MRPL46: variants seen among roughly 807,000 people sequenced by gnomAD.
The protein encoded by MRPL46 is large ribosomal subunit protein mL46.
MRPL46 carries 26 observed loss-of-function variants against 31.0 expected under a neutral mutation model. The ratio of observed to expected loss-of-function variants is 0.84; its 90% CI spans 0.61 to 1.16. MRPL46 has a LOEUF of 1.16. Among genes scored for constraint, MRPL46 ranks in the 50% most tolerant of loss-of-function variants. The pLI is 0.00. For missense variants in MRPL46, 395 were observed against 340.0 expected, an observed-to-expected ratio of 1.16 and a Z score of -1.27; for synonymous variants, 159 against 141.3, an observed-to-expected ratio of 1.13 and a Z score of -0.89.
chr15:88,462,368 T>G (rs1291099617), intron 3 of MRPL46: 1 of 152,016 alleles, frequency 6.6e-6, no homozygotes, highest in Non-Finnish European at 1.5e-5. Flanking sequence ...ATAAACAAAT[T>G]AAAAAGAAAA....
chr15:88,465,802 C>A (rs1251358390), intron 1 of MRPL46, 29 bp from the exon 2 acceptor site: 11 of 1,536,990 alleles, frequency 7.2e-6, no homozygotes, highest in African/African-American at 1.4e-5. Flanking sequence ...CAAAAAACTA[C>A]CTTAATCTGG....
In MRPL46 at chr15:88,459,781, C is replaced by T; in HGVS notation, c.672G>A (p.Glu224=). Residue 224 remains glutamate, a synonymous_variant, in exon 4 of 4, where the codon GAG becomes GAA. Transcript: ENST00000312475. ...TFKFPQAMRT[E]SNLGAKVFFF... is the part of the protein sequence containing the mutation. ...AGAACACCTTGGCTCCGAGGTTACT[C>T]TCTGTCCGCATTGCCTGGGGGAACT... 6.2e-7 allele frequency: 1 copy of T among 1,614,226 alleles called. No individual in the cohort carries two copies.
chr15:88,461,217 A>T (rs191257517), intron 3 of MRPL46: 4 of 152,354 alleles, frequency 2.6e-5, no homozygotes, highest in Admixed American at 2.0e-4. Context: ...AAAGTCAAAG[A>T]CAAAATGACA....
Position 88,459,538 on chromosome 15 carries a change from T to G in MRPL46, c.*75A>C. ...TGCTGCTTGATATTACCTGCAAATG[T>G]GAGGCAATCACACAATGTCCTTGAG... is the stretch of plus-strand genomic sequence containing the variant. On this transcript the variant is annotated 3_prime_UTR_variant, in exon 4 of 4. Coordinates refer to ENST00000312475, the MANE Select transcript of MRPL46 (RefSeq NM_022163.4). 6.3e-7 allele frequency: 1 copy of G among 1,578,534 alleles called. No homozygotes were observed. Among genetic ancestry groups the G allele is most frequent in the Non-Finnish European group, 8.6e-7 (1 of 1,157,840 alleles).
chr15:88,465,839 G>A (rs191429729), intron 1 of MRPL46, 66 bp from the exon 2 acceptor site: 6 of 1,441,346 alleles, frequency 4.2e-6, no homozygotes, highest in Non-Finnish European at 5.5e-6. Context: ...AAAAAAACAG[G>A]AAGAATAAAA....
At chr15:88,460,107 T>G in intron 3 of MRPL46, 1 of 515,960 alleles carries the variant, frequency 1.9e-6, no homozygotes, top group East Asian at 3.4e-5. Context: ...GTTTTTAGAC[T>G]GAAAGTCAGC....
chr15:88,464,100 G>C (rs2055500231), intron 3 of MRPL46: 1 of 152,512 alleles, frequency 6.6e-6, no homozygotes, highest in South Asian at 2.1e-4. Context: ...CTGGGGGTGG[G>C]GTCAGGGGAT....
rs759154222 is a variant in MRPL46, at chr15:88,467,151, T to C, written c.227A>G (p.Gln76Arg). 1 of 1,613,484 alleles carries C rather than the reference T, an allele frequency of 6.2e-7. No homozygotes were observed. The highest frequency in any genetic ancestry group is 8.5e-7 in the Non-Finnish European group (1 of 1,179,466). The change falls in exon 1 of 4, where the codon CAG becomes CGG. Residue 76 changes from glutamine (Q) to arginine (R), a missense_variant and splice_region_variant. By Grantham distance (43) the Gln-to-Arg change is conservative (BLOSUM62 1). Transcript: ENST00000312475. ...LQEEMASLLQ[Q>R]IEIERSLYSD... ...CTGAACCCTGCATCTCAGTCCCACC[T>C]GCTGCAGTAGAGACGCCATCTCTTC...
intron 2 of MRPL46, chr15:88,465,091 C>A: frequency 2.1e-6 from 1 of 475,326 alleles, no homozygotes; most frequent in Non-Finnish European, 3.6e-6. Flanking sequence ...AAGAGGTAAG[C>A]TTCTTTGAAC....
Position 88,465,788 on chromosome 15 carries a change from A to G in MRPL46, c.229-15T>C, listed in dbSNP as rs202200885. ...TCTATCTCAATCTGGGAAAATTCAA[A>G]GGGCAAAAAACTACCTTAATCTGGC... On this transcript the variant is annotated splice_polypyrimidine_tract_variant and intron_variant, in intron 1 of 3. Transcript: ENST00000312475. 1.9e-6 allele frequency: 3 copies of G among 1,560,132 alleles called. No homozygotes were observed. The highest frequency in any genetic ancestry group is 1.2e-5 in the South Asian group (1 of 83,250).
intron 1 of MRPL46, among the ~76,000 whole-genome samples, chr15:88,466,771 G>C (rs1053791597): frequency 1.6e-4 from 25 of 152,196 alleles, no homozygotes; most frequent in African/African-American, 5.5e-4. Flanking sequence ...ATAAAACAGA[G>C]TAGGCTTATC....
intron 2 of MRPL46, 100 bp downstream of exon 2, chr15:88,465,487 G>T: frequency 5.0e-6 from 6 of 1,210,640 alleles, no homozygotes; most frequent in Non-Finnish European, 6.8e-6. Context: ...GAAATTATTT[G>T]TTACTTAAAA....
At chr15:88,465,256 A>G (rs1324307142) in intron 2 of MRPL46, 1 of 421,008 alleles carries the variant, frequency 2.4e-6, no homozygotes, top group Non-Finnish European at 4.2e-6. Flanking sequence ...ACAGAACTCA[A>G]TCTCCCGCTT....
intron 3 of MRPL46, 168 bp downstream of exon 3, chr15:88,464,535 T>TA (rs902057581): frequency 4.8e-5 from 32 of 662,822 alleles, no homozygotes; most frequent in South Asian, 1.1e-4. Flanking sequence ...AAAAAAAAAA[T>TA]AAAAAAAATC....
rs754174601 is a variant in MRPL46, at chr15:88,459,811, T to C, written c.642A>G (p.Thr214=). ...FLGNAPCGHY[T]FKFPQAMRTE... ...TCCGCATTGCCTGGGGGAACTTGAA[T>C]GTGTAGTGCCCACAGGGTGCATTTC... The change falls in exon 4 of 4, where the codon ACA becomes ACG. Residue 214 remains threonine, a synonymous_variant. Coordinates refer to ENST00000312475, the MANE Select transcript of MRPL46 (RefSeq NM_022163.4). 5 of 1,614,220 alleles carry C rather than the reference T, an allele frequency of 3.1e-6. No homozygotes were observed. Among genetic ancestry groups the C allele is most frequent in the African/African-American group, 1.3e-5 (1 of 75,058 alleles).
At chr15:88,462,051 A>G (rs2055481963) in intron 3 of MRPL46, 1 of 152,214 alleles carries the variant, frequency 6.6e-6, no homozygotes, top group Non-Finnish European at 1.5e-5. Flanking sequence ...ACAGAAAAAC[A>G]CTATTAATAG....
Position 88,467,160 on chromosome 15 carries a change from A to G in MRPL46, c.218T>C (p.Leu73Pro). 6.2e-7 allele frequency: 1 copy of G among 1,613,978 alleles called. No individual in the cohort carries two copies. The highest frequency in any genetic ancestry group is 8.5e-7 in the Non-Finnish European group (1 of 1,179,846). The stretch of plus-strand genomic sequence containing the variant: ...GCATCTCAGTCCCACCTGCTGCAGT[A>G]GAGACGCCATCTCTTCCTGCAATGG... ...LTPLQEEMAS[L>P]LQQIEIERSL... Residue 73 changes from leucine (L) to proline (P), a missense_variant, in exon 1 of 4, where the codon CTA becomes CCA. Coordinates refer to ENST00000312475, the MANE Select transcript of MRPL46 (RefSeq NM_022163.4).
intron 3 of MRPL46, chr15:88,461,353 G>C (rs1178333099): frequency 3.3e-5 from 5 of 151,850 alleles, no homozygotes; most frequent in Non-Finnish European, 7.4e-5. Flanking sequence ...GGAGTTTAAG[G>C]CCAGCCTGGG....
Position 88,464,798 on chromosome 15 carries a change from A to G in MRPL46, c.494T>C (p.Phe165Ser). ...CAGTATCCAAACATCCTGGTCTCCA[A>G]ACTTCTCTCTGACTAACAGGACAAG... ...RNLVLLVREK[F>S]GDQDVWILPQ... The change falls in exon 3 of 4, where the codon TTT (phenylalanine) becomes TCT (serine). Residue 165 changes from phenylalanine (F) to serine (S), a missense_variant. By Grantham distance (155) the Phe-to-Ser change is radical. Coordinates refer to ENST00000312475, the MANE Select transcript of MRPL46 (RefSeq NM_022163.4). 2 of 1,614,176 alleles carry G rather than the reference A, an allele frequency of 1.2e-6. No individual in the cohort carries two copies. Among genetic ancestry groups the G allele is most frequent in the Non-Finnish European group, 1.7e-6 (2 of 1,180,018 alleles).
Sources: allele counts gnomAD v4.1 joint callset (sites outside exome capture counted in the v4.1 genomes callset), GRCh38; gene constraint gnomAD v4.1.1; transcripts MANE v1.5; gene names NCBI Gene and HGNC (gene_info 2026-07-23, HGNC 2026-07-21).